The following AFF2 variants were observed in gnomAD, a reference collection of about 807,000 sequenced individuals.
The protein encoded by AFF2 is AF4/FMR2 family member 2.
Under a neutral mutation model 76.9 loss-of-function variants are expected in AFF2, and 14 were observed. The observed-to-expected ratio is 0.18, with a 90% CI of 0.12 to 0.28. The LOEUF is 0.28. AFF2 is among the 10% of genes least tolerant of loss of function. The pLI, the probability that AFF2 is intolerant of heterozygous loss-of-function variation, is 1.00. For synonymous variants in AFF2, 398 were observed against 366.7 expected, an observed-to-expected ratio of 1.09 and a Z score of -0.98; for missense variants, 868 against 1,001.1, an observed-to-expected ratio of 0.87 and a Z score of 1.79.
At chrX:148,885,411 G>A (rs2071146076) in intron 7 of AFF2, among the ~76,000 whole-genome samples, 1 of 111,361 alleles carries the variant, frequency 9.0e-6, no homozygotes, top group African/African-American at 3.3e-5. Context: ...GGCACTGAAA[G>A]GCAGTGCAGG....
intron 7 of AFF2, among the ~76,000 whole-genome samples, chrX:148,846,959 G>A (rs1305007243): frequency 9.0e-6 from 1 of 111,365 alleles, no homozygotes. Flanking sequence ...GGAGTGCAGT[G>A]GCAGGATCTC....
At chrX:148,683,881 G>A (rs1195661281) in intron 3 of AFF2, among the ~76,000 whole-genome samples, 1 of 111,455 alleles carries the variant, frequency 9.0e-6, no homozygotes, top group African/African-American at 3.3e-5. Flanking sequence ...TTTTGGCTTT[G>A]GAGGCTTGGG....
intron 3 of AFF2, among the ~76,000 whole-genome samples, chrX:148,752,574 G>A (rs910480151): frequency 3.6e-5 from 4 of 111,790 alleles, no homozygotes; most frequent in South Asian, 3.7e-4. Flanking sequence ...TATTGAATGA[G>A]CCACAGCACG....
chrX:148,894,569 C>T (rs1185865554), intron 8 of AFF2, among the ~76,000 whole-genome samples: 2 of 111,421 alleles, frequency 1.8e-5, no homozygotes, highest in Non-Finnish European at 3.8e-5. Flanking sequence ...GTATTTCACA[C>T]AGCAAAAATT....
intron 9 of AFF2, among the ~76,000 whole-genome samples, chrX:148,932,891 C>T (rs1050601951): frequency 8.9e-6 from 1 of 112,220 alleles, no homozygotes; most frequent in African/African-American, 3.2e-5. Flanking sequence ...AGAGATACAG[C>T]AAAAAACAAA....
At chrX:148,568,578 C>G (rs782333844) in intron 1 of AFF2, among the ~76,000 whole-genome samples, 1 of 111,834 alleles carries the variant, frequency 8.9e-6, no homozygotes, top group Admixed American at 9.5e-5. Context: ...ACCTGACATG[C>G]CCCAGAAGGT....
chrX:148,714,780 C>T (rs1557263216), intron 3 of AFF2, among the ~76,000 whole-genome samples: 1 of 111,759 alleles, frequency 8.9e-6, no homozygotes, highest in African/African-American at 3.3e-5. Flanking sequence ...GCCAGATTGA[C>T]ACATCAAATT....
intron 9 of AFF2, among the ~76,000 whole-genome samples, chrX:148,906,746 G>A (rs1405639539): frequency 2.7e-5 from 3 of 111,166 alleles, no homozygotes; most frequent in Non-Finnish European, 3.8e-5. Flanking sequence ...TGTTTGTTCC[G>A]GCTCAAGCTG....
At chrX:148,978,909 C>T (rs2072359114) in intron 18 of AFF2, among the ~76,000 whole-genome samples, 1 of 111,990 alleles carries the variant, frequency 8.9e-6, no homozygotes, top group Non-Finnish European at 1.9e-5. Context: ...TCTTGGAGTG[C>T]AGTAGTTGTA....
At chrX:148,980,878 GT>G in intron 19 of AFF2, 88 bp downstream of exon 19, 1 of 651,579 alleles carries the variant, frequency 1.5e-6, no homozygotes, top group Non-Finnish European at 2.4e-6. Context: ...AGGAGTGAAG[GT>G]CAATTCTAGA....
At chrX:148,761,917 C>CTA (rs1387698027) in intron 3 of AFF2, among the ~76,000 whole-genome samples, 1 of 108,782 alleles carries the variant, frequency 9.2e-6, no homozygotes, top group African/African-American at 3.4e-5. Flanking sequence ...ATGAACCTCA[C>CTA]TATATATATG....
intron 9 of AFF2, among the ~76,000 whole-genome samples, chrX:148,907,416 C>G (rs2071419662): frequency 1.8e-5 from 2 of 111,540 alleles, no homozygotes; most frequent in Non-Finnish European, 3.8e-5. Flanking sequence ...GCGAAATTCA[C>G]CCCTGATATT....
chrX:148,608,047 C>T (rs2053689681), intron 1 of AFF2, among the ~76,000 whole-genome samples: 2 of 111,999 alleles, frequency 1.8e-5, no homozygotes, highest in South Asian at 7.3e-4. Context: ...GTTTTGGAAA[C>T]TAGAAGTCAG....
At chrX:148,764,506 G>A (rs2069488644) in intron 3 of AFF2, among the ~76,000 whole-genome samples, 1 of 112,271 alleles carries the variant, frequency 8.9e-6, no homozygotes, top group Non-Finnish European at 1.9e-5. Flanking sequence ...AACTTTAATA[G>A]TATCAGTGAT....
intron 3 of AFF2, among the ~76,000 whole-genome samples, chrX:148,741,667 C>A (rs1557265681): frequency 9.0e-6 from 1 of 111,050 alleles, no homozygotes; most frequent in Non-Finnish European, 1.9e-5. Flanking sequence ...AGGCTTCTCA[C>A]CCCATTCAAA....
chrX:148,931,023 TG>T (rs782707204), intron 9 of AFF2, among the ~76,000 whole-genome samples: 2 of 110,848 alleles, frequency 1.8e-5, no homozygotes, highest in African/African-American at 6.6e-5. Context: ...GAGGCCGAGG[TG>T]GGTGGATCAC....
intron 8 of AFF2, among the ~76,000 whole-genome samples, chrX:148,889,783 G>C (rs1557279526): frequency 3.6e-5 from 4 of 111,328 alleles, no homozygotes; most frequent in Admixed American, 1.9e-4. Context: ...TTCTAGCTCT[G>C]CCACTCTGAA....
chrX:148,819,076 A>G (rs1557272369), intron 4 of AFF2, among the ~76,000 whole-genome samples: 1 of 111,035 alleles, frequency 9.0e-6, no homozygotes, highest in Non-Finnish European at 1.9e-5. Flanking sequence ...AACTCATATA[A>G]TCACTATATC....
intron 4 of AFF2, among the ~76,000 whole-genome samples, chrX:148,813,410 T>C (rs2070227624): frequency 1.8e-5 from 2 of 112,271 alleles, no homozygotes; most frequent in South Asian, 3.7e-4. Context: ...TTAATTCTTC[T>C]TTTTTGTCAT....
Sources: gnomAD v4.1 joint callset for allele counts (sites outside exome capture counted in the v4.1 genomes callset) on GRCh38, gnomAD v4.1.1 for gene constraint, MANE v1.5 for transcripts, NCBI Gene and HGNC (gene_info 2026-07-23, HGNC 2026-07-21) for gene names.